Variants in WNK2 observed in about 807,000 individuals in gnomAD.
WNK2 encodes the protein WNK lysine deficient protein kinase 2.
A neutral mutation model predicts 192.1 loss-of-function variants in WNK2; 67 were observed. The ratio of observed to expected loss-of-function variants is 0.35; its 90% CI spans 0.29 to 0.43. The LOEUF is 0.43. Among genes scored for constraint, WNK2 ranks in the 20% least tolerant of loss-of-function variants. WNK2 has a pLI of 1.00. For missense variants in WNK2, 2,698 were observed against 3,089.7 expected (o/e 0.87, Z 3.01); for synonymous variants, 1,439 against 1,393.9 (o/e 1.03, Z -0.72).
intron 26 of WNK2, chr9:93,306,529 C>T (rs965856079): frequency 2.0e-6 from 1 of 498,306 alleles, no homozygotes; most frequent in Non-Finnish European, 3.6e-6. Context: ...TAGAGACAAA[C>T]ACTTCTCCCT....
chr9:93,301,865 G>A (rs1381642342), intron 26 of WNK2, among the ~76,000 whole-genome samples: 1 of 152,222 alleles, frequency 6.6e-6, no homozygotes, highest in Non-Finnish European at 1.5e-5. Flanking sequence ...CATCAGGCAA[G>A]TCTTAGTCTT....
In WNK2 at chr9:93,259,059, C is replaced by T. The variant is rs1251981632; in HGVS notation, c.2511C>T (p.Ala837=). 11 of 1,613,068 alleles carry T rather than the reference C, an allele frequency of 6.8e-6. No individual in the cohort carries two copies. The highest frequency in any genetic ancestry group is 3.3e-5 in the South Asian group (3 of 91,074). ...CACCACCTCAGTATTTCTCTCCAGCCGTGATCTTGCCGAGCCTCGCTGCCC... is the reference window on the plus strand; with the variant it reads ...CACCACCTCAGTATTTCTCTCCAGCTGTGATCTTGCCGAGCCTCGCTGCCC... ...PVPPPQYFSP[A]VILPSLAAPL... Residue 837 remains alanine, a synonymous_variant, in exon 12 of 30, where the codon GCC becomes GCT. Coordinates refer to ENST00000427277, the MANE Select transcript of WNK2 (RefSeq NM_006648.4). The surrounding 1 kb of genome is among the most constrained non-coding windows in gnomAD (Gnocchi z 4.8).
intron 28 of WNK2, chr9:93,309,112 C>T (rs1853170251): frequency 1.0e-6 from 1 of 984,974 alleles, no homozygotes; most frequent in Non-Finnish European, 1.2e-6. Flanking sequence ...GAAGCATCTG[C>T]TGTTTTTCAG....
chr9:93,252,770 T>G (rs1463870478), intron 8 of WNK2, 113 bp from the exon 9 acceptor site: 2 of 997,542 alleles, frequency 2.0e-6, no homozygotes, highest in African/African-American at 3.4e-5. Context: ...GTTATTTATG[T>G]GATCTGGAGA....
chr9:93,302,652 C>T (rs548601932), intron 26 of WNK2, among the ~76,000 whole-genome samples: 18 of 152,264 alleles, frequency 1.2e-4, no homozygotes, highest in South Asian at 6.2e-4. Flanking sequence ...GGATGGGCTG[C>T]GGGTGCCCAG....
At chr9:93,270,227 C>T (rs1399977681) in intron 19 of WNK2, among the ~76,000 whole-genome samples, 2 of 152,204 alleles carry the variant, frequency 1.3e-5, no homozygotes, top group Admixed American at 6.5e-5. Context: ...ATCTCAGCCC[C>T]TCATTAGGAC....
chr9:93,204,959 G>A (rs986247528), intron 2 of WNK2, among the ~76,000 whole-genome samples: 2 of 152,218 alleles, frequency 1.3e-5, no homozygotes, highest in African/African-American at 4.8e-5. Flanking sequence ...CATGCTGGAA[G>A]CCACAGGCCA....
chr9:93,317,771 C>A, intron 29 of WNK2, 140 bp downstream of exon 29: 2 of 1,462,744 alleles, frequency 1.4e-6, no homozygotes, highest in Non-Finnish European at 1.8e-6. Flanking sequence ...GCTGGAACAC[C>A]CCCCAGGTGC....
intron 23 of WNK2, among the ~76,000 whole-genome samples, chr9:93,293,578 C>G (rs1170778021): frequency 2.0e-5 from 3 of 152,110 alleles, no homozygotes; most frequent in Non-Finnish European, 4.4e-5. Context: ...CCTTGGCCTC[C>G]CAAAGTTCTG....
At chr9:93,316,745 C>G (rs1352386988) in intron 28 of WNK2, 2 of 152,568 alleles carry the variant, frequency 1.3e-5, no homozygotes, top group African/African-American at 2.4e-5. Context: ...CTTTTCCTCC[C>G]CGCCTGGAGA....
At chr9:93,187,186 T>G (rs1001599149) in intron 2 of WNK2, among the ~76,000 whole-genome samples, 1 of 152,164 alleles carries the variant, frequency 6.6e-6, no homozygotes, top group African/African-American at 2.4e-5. Context: ...CCTGCTGATC[T>G]GGCTGAGGCA....
chr9:93,213,790 AAAAAC>A (rs140166384), intron 2 of WNK2, among the ~76,000 whole-genome samples: 5,640 of 152,240 alleles, frequency 0.037, 338 homozygotes, highest in African/African-American at 0.13. Context: ...ACTCCATCTC[AAAAAC>A]AAAACAAAAC....
chr9:93,238,795 A>C (rs529029246), intron 6 of WNK2, among the ~76,000 whole-genome samples: 1 of 152,248 alleles, frequency 6.6e-6, no homozygotes, highest in African/African-American at 2.4e-5. Flanking sequence ...CCTTCTCAAA[A>C]ATAGCAGGCC....
intron 28 of WNK2, chr9:93,316,929 C>T (rs1201802356): frequency 6.5e-6 from 1 of 154,350 alleles, no homozygotes; most frequent in African/African-American, 2.4e-5. Context: ...CACCGAGTGC[C>T]CTCCATGCAC....
At chr9:93,216,003 A>C (rs890216842) in intron 2 of WNK2, among the ~76,000 whole-genome samples, 3 of 152,200 alleles carry the variant, frequency 2.0e-5, no homozygotes, top group African/African-American at 7.2e-5. Context: ...AGCAAATCAT[A>C]TTAACCCCGT....
chr9:93,299,582 G>C (rs1851230492), intron 25 of WNK2, among the ~76,000 whole-genome samples: 1 of 152,166 alleles, frequency 6.6e-6, no homozygotes, highest in African/African-American at 2.4e-5. Context: ...CCAGTTCCCA[G>C]GCACTGGCTG....
At chr9:93,317,758 G>A in intron 29 of WNK2, 127 bp downstream of exon 29, 2 of 1,469,176 alleles carry the variant, frequency 1.4e-6, no homozygotes, top group South Asian at 1.3e-5. Flanking sequence ...GGGGCACAGG[G>A]CAGCTGGAAC....
chr9:93,261,884 C>T lies in WNK2; in HGVS notation c.3137C>T (p.Pro1046Leu), dbSNP rs149410685. 62 of 1,602,112 alleles carry T rather than the reference C, an allele frequency of 3.9e-5. No homozygotes were observed. The highest frequency in any genetic ancestry group is 1.8e-4 in the East Asian group (8 of 44,880). ...CAGGTCCCCACCGTGCCTGTGCCAC[C>T]GGCTGCGGTCCTCTCGCCGCCTCTG... ...AAQVPTVPVP[P>L]AAVLSPPLPE... Residue 1046 changes from proline (P) to leucine (L), a missense_variant, in exon 13 of 30, where the codon CCG (proline) becomes CTG (leucine). Coordinates refer to ENST00000427277, the MANE Select transcript of WNK2 (RefSeq NM_006648.4).
intron 2 of WNK2, among the ~76,000 whole-genome samples, chr9:93,208,438 G>A (rs1242266560): frequency 6.6e-6 from 1 of 152,164 alleles, no homozygotes; most frequent in African/African-American, 2.4e-5. Context: ...CACGTTTTCT[G>A]TGTGCATGTG....
Sources: gnomAD v4.1 joint callset for allele counts (sites outside exome capture counted in the v4.1 genomes callset) on GRCh38, gnomAD v4.1.1 for gene constraint, Gnocchi (gnomAD v3.1) non-coding constraint, MANE v1.5 for transcripts, NCBI Gene and HGNC (gene_info 2026-07-23, HGNC 2026-07-21) for gene names.